CHRM3: variants seen among roughly 807,000 people sequenced by gnomAD.
CHRM3 encodes the protein cholinergic receptor muscarinic 3.
CHRM3 carries 11 observed loss-of-function variants against 41.8 expected under a neutral mutation model. The ratio of observed to expected loss-of-function variants is 0.26; its 90% confidence interval spans 0.17 to 0.44. The LOEUF (loss-of-function observed/expected upper bound fraction) is 0.44. Among genes scored for constraint, CHRM3 ranks in the 20% least tolerant of loss-of-function variants. CHRM3 has a pLI of 1.00. For missense variants in CHRM3, 571 were observed against 745.4 expected (o/e 0.77, Z 2.72); for synonymous variants, 297 against 301.4 (o/e 0.99, Z 0.15).
chr1:239,871,956 T>G (rs936223426), intron 6 of CHRM3, among the ~76,000 whole-genome samples: 1 of 152,202 alleles, frequency 6.6e-6, no homozygotes, highest in African/African-American at 2.4e-5. Flanking sequence ...TACTTCTCAG[T>G]AATTTAGACA....
intron 5 of CHRM3, among the ~76,000 whole-genome samples, chr1:239,722,129 T>C (rs1004273735): frequency 6.6e-6 from 1 of 151,958 alleles, no homozygotes; most frequent in Non-Finnish European, 1.5e-5. Context: ...GTTCCTTTAA[T>C]GTTCCAGCCA....
chr1:239,602,090 A>ATATGTGTGTGTGTGTG (rs371232279), intron 3 of CHRM3, among the ~76,000 whole-genome samples: 35,071 of 131,020 alleles, frequency 0.27, 5,826 homozygotes, highest in Middle Eastern at 0.43. Flanking sequence ...ACATATATAC[A>ATATGTGTGTGTGTGTG]TGTGTGTGTG....
At chr1:239,470,869 C>A (rs1234642519) in intron 1 of CHRM3, among the ~76,000 whole-genome samples, 1 of 151,994 alleles carries the variant, frequency 6.6e-6, no homozygotes, top group Non-Finnish European at 1.5e-5. Context: ...TTTTTTAAAT[C>A]CTTGCTTCAG....
chr1:239,792,600 A>T (rs1241973010), intron 5 of CHRM3, among the ~76,000 whole-genome samples: 1 of 152,234 alleles, frequency 6.6e-6, no homozygotes, highest in Non-Finnish European at 1.5e-5. Context: ...TATATAGAGG[A>T]TGACTTCCAA....
At chr1:239,633,405 A>G (rs1024338693) in intron 4 of CHRM3, among the ~76,000 whole-genome samples, 3 of 152,092 alleles carry the variant, frequency 2.0e-5, no homozygotes, top group Non-Finnish European at 4.4e-5. Context: ...TCATGATCCA[A>G]TCACCTCCCA....
At chr1:239,664,601 G>A (rs984607618) in intron 4 of CHRM3, among the ~76,000 whole-genome samples, 2 of 151,932 alleles carry the variant, frequency 1.3e-5, no homozygotes, top group Admixed American at 1.3e-4. Flanking sequence ...AGTCTCATAC[G>A]AAGACTGTGA....
chr1:239,721,610 T>C (rs186139516), intron 5 of CHRM3, among the ~76,000 whole-genome samples: 8 of 152,040 alleles, frequency 5.3e-5, no homozygotes, highest in Admixed American at 2.0e-4. Flanking sequence ...TCCTAAAGGA[T>C]TGAAAAGGAC....
At chr1:239,587,512 G>T (rs949963867) in intron 3 of CHRM3, among the ~76,000 whole-genome samples, 4 of 152,196 alleles carry the variant, frequency 2.6e-5, no homozygotes, top group Admixed American at 1.3e-4. Context: ...GCTGAGGCAA[G>T]AACATCAGGA....
At position 239,884,242 on chromosome 1, in the gene CHRM3, C is replaced by T. The variant is rs989845145; in HGVS notation, c.-19-23191C>T. On this transcript the variant is annotated intron_variant, in intron 6 of 6. Transcript: ENST00000676153. ...TCATCCTGGATTATTCATGTGGGCC[C>T]GAAATCCAATAACAGGTGTCCTCAT... Among the ~76,000 whole-genome samples, 4 of 151,948 alleles carry T rather than the reference C, an allele frequency of 2.6e-5. No homozygotes were observed. The South Asian group carries it at 8.3e-4, about 32-fold the overall frequency.
At chr1:239,667,221 A>C (rs1325467040) in intron 4 of CHRM3, among the ~76,000 whole-genome samples, 1 of 152,156 alleles carries the variant, frequency 6.6e-6, no homozygotes, top group Admixed American at 6.5e-5. Flanking sequence ...TATTTACTAC[A>C]GTCTTTCCTA....
intron 3 of CHRM3, among the ~76,000 whole-genome samples, chr1:239,586,367 G>C (rs898109192): frequency 2.0e-5 from 3 of 152,194 alleles, no homozygotes; most frequent in Middle Eastern, 6.8e-3. Flanking sequence ...GTCTTTATGT[G>C]AAAATTGTGG....
chr1:239,529,646 CAAT>C (rs1269029012), intron 2 of CHRM3, among the ~76,000 whole-genome samples: 42 of 145,358 alleles, frequency 2.9e-4, no homozygotes, highest in South Asian at 1.3e-3. Context: ...CAAACAACAA[CAAT>C]AACAACAACA....
At chr1:239,749,822 T>A (rs1055282554) in intron 5 of CHRM3, among the ~76,000 whole-genome samples, 5 of 152,224 alleles carry the variant, frequency 3.3e-5, no homozygotes, top group Non-Finnish European at 7.3e-5. Context: ...CATTAAAATT[T>A]AAGTAGGGTA....
chr1:239,740,570 T>C (rs1664757776), intron 5 of CHRM3, among the ~76,000 whole-genome samples: 1 of 152,020 alleles, frequency 6.6e-6, no homozygotes, highest in Non-Finnish European at 1.5e-5. Flanking sequence ...TCATCTAGGT[T>C]TTAAGCCCTG....
chr1:239,507,253 A>C lies in CHRM3; in HGVS notation c.-422+14446A>C, dbSNP rs1476951611. Among the ~76,000 whole-genome samples, 3 of 152,268 alleles carry C rather than the reference A, an allele frequency of 2.0e-5. No homozygotes were observed. The East Asian group carries it at 5.8e-4, about 29-fold the overall frequency. ...TACCCAAATCTCATCTTGAATTCCC[A>C]TGTGTTGTGGGAGGGAGGGACACAG... On this transcript the variant is annotated intron_variant, in intron 2 of 6. Coordinates refer to ENST00000676153, the MANE Select transcript of CHRM3 (RefSeq NM_001375978.1).
chr1:239,635,851 T>G (rs1296921565), intron 4 of CHRM3, among the ~76,000 whole-genome samples: 1 of 152,072 alleles, frequency 6.6e-6, no homozygotes, highest in African/African-American at 2.4e-5. Context: ...GTTGAGTAAA[T>G]GAATATAGAG....
intron 1 of CHRM3, among the ~76,000 whole-genome samples, chr1:239,431,490 A>C (rs1662831364): frequency 6.6e-6 from 1 of 152,192 alleles, no homozygotes; most frequent in Admixed American, 6.5e-5. Flanking sequence ...TTTCTCTAAA[A>C]GCTATTATAT....
chr1:239,579,767 G>A (rs1352371833), intron 3 of CHRM3, among the ~76,000 whole-genome samples: 1 of 152,104 alleles, frequency 6.6e-6, no homozygotes, highest in East Asian at 1.9e-4. Flanking sequence ...CTCACTGTAT[G>A]GCAGGCATTG....
At chr1:239,825,164 G>A (rs1054372391) in intron 5 of CHRM3, among the ~76,000 whole-genome samples, 1 of 152,114 alleles carries the variant, frequency 6.6e-6, no homozygotes, top group Admixed American at 6.5e-5. Flanking sequence ...CTTCATTGTA[G>A]TGATTGCTCT....
Sources: allele counts gnomAD v4.1 joint callset (sites outside exome capture counted in the v4.1 genomes callset), GRCh38; gene constraint gnomAD v4.1.1; transcripts MANE v1.5; gene names NCBI Gene and HGNC (gene_info 2026-07-23, HGNC 2026-07-21).